DSCAML1: variants seen among roughly 807,000 people sequenced by gnomAD.
The protein encoded by DSCAML1 is cell adhesion molecule DSCAML1.
DSCAML1 carries 38 observed loss-of-function variants against 200.5 expected under a neutral mutation model. The ratio of observed to expected loss-of-function variants is 0.19; its 90% CI spans 0.15 to 0.25. The LOEUF (loss-of-function observed/expected upper bound fraction) is 0.25. Among genes scored for constraint, DSCAML1 ranks in the 10% least tolerant of loss-of-function variants. DSCAML1 has a pLI of 1.00. For synonymous variants in DSCAML1, 1,215 were observed against 1,165.0 expected (o/e 1.04, Z -0.87); for missense variants, 2,223 against 2,858.8 (o/e 0.78, Z 5.07).
At chr11:117,744,740 C>A (rs1226662783) in intron 3 of DSCAML1, among the ~76,000 whole-genome samples, 4 of 152,250 alleles carry the variant, frequency 2.6e-5, no homozygotes. Flanking sequence ...AGGAAGGGGA[C>A]TCTCCATCCA....
intron 3 of DSCAML1, among the ~76,000 whole-genome samples, chr11:117,608,649 T>G (rs899157980): frequency 6.6e-6 from 1 of 152,206 alleles, no homozygotes; most frequent in Admixed American, 6.5e-5. Flanking sequence ...TCCCCATTGT[T>G]GGGTATTTTG....
intron 3 of DSCAML1, among the ~76,000 whole-genome samples, chr11:117,728,348 T>C (rs948717602): frequency 6.6e-6 from 1 of 152,218 alleles, no homozygotes; most frequent in Admixed American, 6.5e-5. Flanking sequence ...AAAGAGTGGA[T>C]ACATCCTCCC....
chr11:117,810,814 T>C (rs1007800147), intron 1 of DSCAML1, among the ~76,000 whole-genome samples: 2 of 152,224 alleles, frequency 1.3e-5, no homozygotes, highest in Non-Finnish European at 2.9e-5. Flanking sequence ...CGCATTCTTT[T>C]ACACATCAGT....
chr11:117,769,415 ATATATATTATATATATTTT>A (rs2054982601), intron 3 of DSCAML1, among the ~76,000 whole-genome samples: 1 of 54,084 alleles, frequency 1.8e-5, no homozygotes, highest in African/African-American at 9.0e-5. Context: ...TATATATTTT[ATATATATTATATATATTTT>A]TATATAATAT....
intron 3 of DSCAML1, among the ~76,000 whole-genome samples, chr11:117,598,963 A>T (rs1415387022): frequency 6.6e-6 from 1 of 152,196 alleles, no homozygotes; most frequent in East Asian, 1.9e-4. Context: ...AACATTGGGA[A>T]AGCAATCACT....
intron 3 of DSCAML1, among the ~76,000 whole-genome samples, chr11:117,694,124 TG>T (rs1196140184): frequency 6.7e-6 from 1 of 149,912 alleles, no homozygotes; most frequent in African/African-American, 2.4e-5. Flanking sequence ...GTCCATAGGC[TG>T]GGCACGGTGG....
chr11:117,773,616 T>C (rs1257833111), intron 3 of DSCAML1, among the ~76,000 whole-genome samples: 1 of 151,878 alleles, frequency 6.6e-6, no homozygotes, highest in East Asian at 1.9e-4. Flanking sequence ...AAAAAAATCC[T>C]ATTTTTATAA....
At chr11:117,635,034 A>G (rs79402329) in intron 3 of DSCAML1, among the ~76,000 whole-genome samples, 1,914 of 152,028 alleles carry the variant, frequency 0.013, 50 homozygotes, top group African/African-American at 0.044. Context: ...TGCCCACCAA[A>G]CCCATGATAG....
chr11:117,644,009 G>C (rs768002089), intron 3 of DSCAML1, among the ~76,000 whole-genome samples: 1 of 152,198 alleles, frequency 6.6e-6, no homozygotes, highest in Admixed American at 6.5e-5. Context: ...AACTACTGTC[G>C]GGGAAGAGGC....
chr11:117,439,775 C>T, intron 22 of DSCAML1, 44 bp downstream of exon 22: 1 of 1,563,672 alleles, frequency 6.4e-7, no homozygotes, highest in Non-Finnish European at 8.8e-7. Context: ...TCTACTATAT[C>T]CCTCTTTGGG....
At chr11:117,479,800 C>T (rs963362749) in intron 14 of DSCAML1, among the ~76,000 whole-genome samples, 3 of 152,164 alleles carry the variant, frequency 2.0e-5, no homozygotes, top group African/African-American at 7.2e-5. Context: ...TGGGGTGTGC[C>T]ACCACGCCTG....
In DSCAML1 at chr11:117,428,608, G is replaced by C; in HGVS notation, c.5882C>G (p.Pro1961Arg). 1.2e-6 allele frequency: 2 copies of C among 1,605,920 alleles called. No homozygotes were observed. The highest frequency in any genetic ancestry group is 1.7e-6 in the Non-Finnish European group (2 of 1,176,750). Residue 1961 changes from proline (P) to arginine (R), a missense_variant, in exon 33 of 33, where the codon CCC becomes CGC. Pro to Arg is a moderately radical substitution (Grantham distance 103). Around this residue, in one of 7 missense-constraint regions of DSCAML1, gnomAD observed 280 missense variants for 213.4 expected, o/e 1.31. Transcript: ENST00000651296. ...KSLGLPHPGA[P>R]AAASTATLPQ... is the part of the protein sequence containing the mutation. Reference sequence around the variant, plus strand: ...TAAGGTGGCTGTGGAGGCGGCAGCGGGGGCCCCTGGGTGGGGAAGGCCCAA... The same window carrying C: ...TAAGGTGGCTGTGGAGGCGGCAGCGCGGGCCCCTGGGTGGGGAAGGCCCAA...
Position 117,438,019 on chromosome 11 carries a change from G to C in DSCAML1, c.4308C>G (p.Ser1436Arg). The C allele has an allele frequency of 6.2e-7, 1 of 1,614,096 alleles. No individual in the cohort carries two copies. The highest frequency in any genetic ancestry group is 8.5e-7 in the Non-Finnish European group (1 of 1,180,010). Reference sequence around the variant, plus strand: ...GGCTGTCCAGCTTGAAGGAGCGCTCGCTGGAGCTGATGAACACATCCTTCC... The same window carrying C: ...GGCTGTCCAGCTTGAAGGAGCGCTCCCTGGAGCTGATGAACACATCCTTCC... ...EEWKDVFISS[S>R]ERSFKLDSLK... Residue 1436 changes from serine to arginine, a missense_variant, in exon 25 of 33, where the codon AGC (serine) becomes AGG (arginine). By Grantham distance (110) the Ser-to-Arg change is moderately radical. This residue lies in a region of DSCAML1 where 614 missense variants were observed against 739.1 expected (regional missense o/e 0.83). Transcript: ENST00000651296.
At chr11:117,714,107 G>C (rs1432587864) in intron 3 of DSCAML1, among the ~76,000 whole-genome samples, 1 of 152,182 alleles carries the variant, frequency 6.6e-6, no homozygotes, top group Non-Finnish European at 1.5e-5. Context: ...CCTAATCCTA[G>C]GGTTGTTGTC....
intron 14 of DSCAML1, among the ~76,000 whole-genome samples, chr11:117,474,063 G>A (rs919303388): frequency 2.0e-5 from 3 of 152,118 alleles, no homozygotes; most frequent in African/African-American, 4.8e-5. Flanking sequence ...AGACTGGGGC[G>A]GTGTGTCTGG....
chr11:117,578,619 A>G (rs1055076917), intron 3 of DSCAML1, among the ~76,000 whole-genome samples: 2 of 152,176 alleles, frequency 1.3e-5, no homozygotes, highest in African/African-American at 4.8e-5. Context: ...ACAGTGAGCT[A>G]TGATGGCACC....
At chr11:117,735,738 G>C (rs766473057) in intron 3 of DSCAML1, among the ~76,000 whole-genome samples, 1 of 152,208 alleles carries the variant, frequency 6.6e-6, no homozygotes, top group Admixed American at 6.5e-5. Flanking sequence ...TGCTGGGCCC[G>C]GAGCTGCGTC....
chr11:117,703,775 C>A (rs368021212), intron 3 of DSCAML1, among the ~76,000 whole-genome samples: 1 of 152,214 alleles, frequency 6.6e-6, no homozygotes, highest in Non-Finnish European at 1.5e-5. Context: ...ATGTCTATCT[C>A]TAGAGCCTGG....
chr11:117,548,673 C>T (rs957299650), intron 3 of DSCAML1, among the ~76,000 whole-genome samples: 1 of 152,128 alleles, frequency 6.6e-6, no homozygotes, highest in Non-Finnish European at 1.5e-5. Flanking sequence ...TGGGCCAAGG[C>T]TGGGAATTCC....
Sources: allele counts gnomAD v4.1 joint callset (sites outside exome capture counted in the v4.1 genomes callset), GRCh38; gene constraint gnomAD v4.1.1; regional missense constraint gnomAD v4.1.1; transcripts MANE v1.5; gene names NCBI Gene and HGNC (gene_info 2026-07-23, HGNC 2026-07-21).